Variants in TRIM54 observed in about 807,000 individuals in gnomAD.
TRIM54 encodes the protein tripartite motif containing 54.
TRIM54 carries 40 observed loss-of-function variants against 42.0 expected under a neutral mutation model. That is an observed-to-expected ratio of 0.95 (90% CI 0.74 to 1.24). TRIM54 has a LOEUF of 1.24. Ranked by LOEUF, TRIM54 falls within the 50% of genes most tolerant of loss-of-function variation. The pLI is 0.00. For synonymous variants in TRIM54, 199 were observed against 194.9 expected (o/e 1.02, Z -0.17); for missense variants, 485 against 480.3 (o/e 1.01, Z -0.09).
chr2:27,306,153 G>T lies in TRIM54; in HGVS notation c.866+51G>T. ...AGGAGGGGGCTGCACTGCTCCACTG[G>T]CTGGGGTGGGGCTTGAGAGTGCTGG... On this transcript the variant is annotated intron_variant, in intron 6 of 8. Transcript: ENST00000380075. The surrounding 1 kb of genome is among the most constrained non-coding windows in gnomAD (Gnocchi z 6.1). The T allele has an allele frequency of 6.2e-7, 1 of 1,614,014 alleles. No individual in the cohort carries two copies.
At chr2:27,289,032 T>A (rs1371174001) in intron 1 of TRIM54, among the ~76,000 whole-genome samples, 1 of 152,240 alleles carries the variant, frequency 6.6e-6, no homozygotes, top group Non-Finnish European at 1.5e-5. Context: ...CTGAAAGATC[T>A]TTAGCCTAAT....
At chr2:27,304,213 A>AAT (rs569439363) in intron 3 of TRIM54, among the ~76,000 whole-genome samples, 11 of 131,950 alleles carry the variant, frequency 8.3e-5, no homozygotes, top group East Asian at 2.1e-4. Flanking sequence ...CCTTGTCTCA[A>AAT]ATATATATAT....
At chr2:27,299,495 TTA>T in intron 3 of TRIM54, 79 bp downstream of exon 3, 1 of 1,554,522 alleles carries the variant, frequency 6.4e-7, no homozygotes, top group Non-Finnish European at 8.7e-7. Flanking sequence ...CTTACTCCAC[TTA>T]TCTTTTGTTT....
chr2:27,307,404 C>A lies in TRIM54; in HGVS notation c.*519C>A. 1 of 1,478,170 alleles carries A rather than the reference C, an allele frequency of 6.8e-7. No individual in the cohort carries two copies. The highest frequency in any genetic ancestry group is 1.3e-5 in the South Asian group (1 of 75,592). 91.6% of individuals were successfully genotyped at this position (1,478,170 alleles called of 1,614,324 possible). Reference sequence around the variant, plus strand: ...GCCTCTACGACAAAAGCCAACGGGTCTTCAGTACTTTTATTAAAAAATAGT... The same window carrying A: ...GCCTCTACGACAAAAGCCAACGGGTATTCAGTACTTTTATTAAAAAATAGT... On this transcript the variant is annotated 3_prime_UTR_variant, in exon 9 of 9. Coordinates refer to ENST00000380075, the MANE Select transcript of TRIM54 (RefSeq NM_187841.3). This position sits in a 1 kb window ranked among gnomAD's most constrained non-coding sequence, Gnocchi z 6.9.
chr2:27,299,182 G>T, intron 2 of TRIM54, 63 bp from the exon 3 acceptor site: 1 of 1,577,144 alleles, frequency 6.3e-7, no homozygotes, highest in South Asian at 1.1e-5. Flanking sequence ...GGAGGCTGAA[G>T]AGAAGGTATT....
Position 27,282,559 on chromosome 2 carries a change from C to T in TRIM54, c.-173C>T, listed in dbSNP as rs1237742464. On this transcript the variant is annotated 5_prime_UTR_variant, in exon 1 of 9. Coordinates refer to ENST00000380075, the MANE Select transcript of TRIM54 (RefSeq NM_187841.3). ...TGCAGAGCAGAAAGTAGAGACTGTCCGAAGACTGCTATCTGGGACGAGACA... is the reference window on the plus strand; with the variant it reads ...TGCAGAGCAGAAAGTAGAGACTGTCTGAAGACTGCTATCTGGGACGAGACA... 2.9e-5 allele frequency: 18 copies of T among 625,072 alleles called. 1 individual carries two copies. The highest frequency in any genetic ancestry group is 6.1e-5 in the East Asian group (2 of 32,754). The allele number at this position is 625,072 out of a possible 1,614,324, so 38.7% of individuals were successfully genotyped here.
intron 5 of TRIM54, 119 bp downstream of exon 5, chr2:27,305,936 G>A: frequency 7.2e-7 from 1 of 1,380,074 alleles, no homozygotes; most frequent in Non-Finnish European, 1.0e-6. Context: ...CCTTGGGCAA[G>A]TCACCCCCTC....
intron 1 of TRIM54, among the ~76,000 whole-genome samples, chr2:27,285,579 T>G (rs543091757): frequency 7.9e-4 from 120 of 152,342 alleles, no homozygotes; most frequent in Non-Finnish European, 1.1e-3. Context: ...TTACCAACTT[T>G]CTTGGGAATA....
At position 27,284,117 on chromosome 2, in the gene TRIM54, A is replaced by T. The variant is rs1034590484; in HGVS notation, c.168+1218A>T. ...CACTGCACTCTGACCTGGGCGACAG[A>T]GCAAGACTCCATCTCAAAAAAACAA... is the stretch of plus-strand genomic sequence containing the variant. On this transcript the variant is annotated intron_variant, in intron 1 of 8. Transcript: ENST00000380075. Among the ~76,000 whole-genome samples, 79 of 152,282 alleles carry T rather than the reference A, an allele frequency of 5.2e-4. 1 individual carries two copies. The highest frequency in any genetic ancestry group is 5.0e-3 in the Admixed American group (77 of 15,286).
intron 1 of TRIM54, among the ~76,000 whole-genome samples, chr2:27,296,399 G>C (rs1678867587): frequency 6.6e-6 from 1 of 152,228 alleles, no homozygotes; most frequent in African/African-American, 2.4e-5. Context: ...ATTAGGTTCT[G>C]TTCTAAGTGG....
intron 1 of TRIM54, among the ~76,000 whole-genome samples, chr2:27,295,706 C>A (rs1286292962): frequency 6.6e-6 from 1 of 152,110 alleles, no homozygotes; most frequent in Non-Finnish European, 1.5e-5. Context: ...GAGCGGCTGC[C>A]CAAGAGTTTA....
rs142196338 is a variant in TRIM54, at chr2:27,298,713, C to T, written c.315C>T (p.Ile105=). The change falls in exon 2 of 9, where the codon ATC becomes ATT. Residue 105 remains isoleucine, a synonymous_variant. Transcript: ENST00000380075. ...GAAACCTGCTAGTGGAGAACATTAT[C>T]GACATTTACAAGCAGGAGTCATCCA... ...LQRNLLVENI[I]DIYKQESSRP... 1.9e-6 allele frequency: 3 copies of T among 1,613,942 alleles called. No homozygotes were observed. Among genetic ancestry groups the T allele is most frequent in the Admixed American group, 1.7e-5 (1 of 59,984 alleles).
intron 1 of TRIM54, among the ~76,000 whole-genome samples, chr2:27,286,093 G>C (rs1016035906): frequency 6.6e-6 from 1 of 151,788 alleles, no homozygotes; most frequent in Admixed American, 6.6e-5. Context: ...TAGTTGAACA[G>C]TATTAAGGGG....
At chr2:27,299,675 C>CCTATCATCTAT (rs1678974059) in intron 3 of TRIM54, 1 of 576,588 alleles carries the variant, frequency 1.7e-6, no homozygotes, top group African/African-American at 2.0e-5. Flanking sequence ...CGCACTCAGC[C>CCTATCATCTAT]CTATCTATCT....
chr2:27,283,737 A>C (rs1225916824), intron 1 of TRIM54, among the ~76,000 whole-genome samples: 3 of 148,112 alleles, frequency 2.0e-5, no homozygotes, highest in African/African-American at 7.5e-5. Flanking sequence ...AAAATGGAAC[A>C]GAGATCAGGG....
Position 27,299,634 on chromosome 2 carries a change from G to T in TRIM54, c.513+218G>T, listed in dbSNP as rs535166645. On this transcript the variant is annotated intron_variant, in intron 3 of 8. Coordinates refer to ENST00000380075, the MANE Select transcript of TRIM54 (RefSeq NM_187841.3). Reference sequence around the variant, plus strand: ...CAAGTGATCCTCCCATCTTAGCCTCGCAGAACACTAAGATTATAGATGTGA... The same window carrying T: ...CAAGTGATCCTCCCATCTTAGCCTCTCAGAACACTAAGATTATAGATGTGA... 93 of 910,634 alleles carry T rather than the reference G, an allele frequency of 1.0e-4. No homozygotes were observed. The East Asian group carries it at 2.4e-3, about 23-fold the overall frequency. The allele number at this position is 910,634 out of a possible 1,614,324, so 56.4% of individuals were successfully genotyped here. A position where few individuals can be genotyped will look rare whatever the true frequency, so the allele number is the denominator to read the frequency against.
At position 27,282,566 on chromosome 2, in the gene TRIM54, T is replaced by G; in HGVS notation, c.-166T>G. 1.5e-6 allele frequency: 1 copy of G among 670,960 alleles called. No homozygotes were observed. The highest frequency in any genetic ancestry group is 2.4e-6 in the Non-Finnish European group (1 of 412,798). The allele number at this position is 670,960 out of a possible 1,614,324, so 41.6% of individuals were successfully genotyped here. On this transcript the variant is annotated 5_prime_UTR_variant, in exon 1 of 9. Transcript: ENST00000380075. ...CAGAAAGTAGAGACTGTCCGAAGAC[T>G]GCTATCTGGGACGAGACAAGTTGTT...
At chr2:27,285,863 G>A (rs1678542947) in intron 1 of TRIM54, among the ~76,000 whole-genome samples, 1 of 152,198 alleles carries the variant, frequency 6.6e-6, no homozygotes, top group African/African-American at 2.4e-5. Context: ...ACAAACAAGA[G>A]TTTTTGGGAA....
Position 27,306,324 on chromosome 2 carries a change from C to T in TRIM54, c.978C>T (p.Ile326=), listed in dbSNP as rs777358406. ...ACGTGGCCGAAATGCTGCGGACCATCGACTTCCAGCCAGGTGAAGGAGGTG... is the reference window on the plus strand; with the variant it reads ...ACGTGGCCGAAATGCTGCGGACCATTGACTTCCAGCCAGGTGAAGGAGGTG... The part of the protein sequence containing the change: ...VEHVAEMLRT[I]DFQPGASGEE... The change falls in exon 7 of 9, where the codon ATC becomes ATT. Residue 326 remains isoleucine (I), a synonymous_variant. Coordinates refer to ENST00000380075, the MANE Select transcript of TRIM54 (RefSeq NM_187841.3). This position sits in a 1 kb window ranked among gnomAD's most constrained non-coding sequence, Gnocchi z 6.1. 2.5e-6 allele frequency: 4 copies of T among 1,614,006 alleles called. No individual in the cohort carries two copies. The African/African-American group carries it at 4.0e-5, about 16-fold the overall frequency.
Sources: gnomAD v4.1 joint callset for allele counts (sites outside exome capture counted in the v4.1 genomes callset) on GRCh38, gnomAD v4.1.1 for gene constraint, Gnocchi (gnomAD v3.1) non-coding constraint, MANE v1.5 for transcripts, NCBI Gene and HGNC (gene_info 2026-07-23, HGNC 2026-07-21) for gene names.